Variants in LGSN observed in about 807,000 individuals in gnomAD.
LGSN encodes the protein lengsin.
In LGSN, 21 loss-of-function variants were observed where a neutral mutation model predicts 19.5. The observed-to-expected ratio is 1.07, with a 90% CI of 0.76 to 1.55. LGSN has a LOEUF of 1.55. LGSN is among the 40% of genes most tolerant of loss of function. LGSN has a pLI of 0.00. For missense variants in LGSN, 673 were observed against 608.5 expected (o/e 1.11, Z -1.12); for synonymous variants, 257 against 215.6 (o/e 1.19, Z -1.68).
Position 63,280,599 on chromosome 6 carries a change from G to A in LGSN, c.952C>T (p.Leu318Phe). The A allele has an allele frequency of 1.2e-6, 2 of 1,614,048 alleles. No individual in the cohort carries two copies. Among genetic ancestry groups the A allele is most frequent in the Non-Finnish European group, 1.7e-6 (2 of 1,180,028 alleles). The change falls in exon 4 of 4, where the codon CTC (leucine) becomes TTC (phenylalanine). Residue 318 changes from leucine to phenylalanine, a missense_variant. Leu to Phe is a conservative substitution (Grantham distance 22). Coordinates refer to ENST00000370657, the MANE Select transcript of LGSN (RefSeq NM_016571.3). The stretch of plus-strand genomic sequence containing the variant: ...TTTTTCTTCCTATCGACATCCCAGA[G>A]ACTATGAGACAAAATCCCTGAATCA... The part of the protein sequence containing the change: ...FCDSGILSHS[L>F]WDVDRKKNMF...
the LGSN span, among the ~76,000 whole-genome samples, chr6:63,361,066 A>G: frequency 2.0e-5 from 3 of 152,298 alleles, no homozygotes; most frequent in Admixed American, 2.0e-4. Context: ...GTCCTCCCCT[A>G]CTGGGGGGTG....
chr6:63,548,173 A>G, the LGSN span, among the ~76,000 whole-genome samples: 1 of 151,984 alleles, frequency 6.6e-6, no homozygotes, highest in Admixed American at 6.6e-5. Flanking sequence ...TTCCCTTAGC[A>G]CTTTTTATTT....
At chr6:63,495,237 A>G in the LGSN span, among the ~76,000 whole-genome samples, 11 of 152,254 alleles carry the variant, frequency 7.2e-5, no homozygotes, top group Admixed American at 7.2e-4. Flanking sequence ...CACATGAATT[A>G]TATCATTCAA....
the LGSN span, among the ~76,000 whole-genome samples, chr6:63,393,078 G>A: frequency 4.0e-5 from 6 of 151,012 alleles, no homozygotes; most frequent in Non-Finnish European, 5.9e-5. Context: ...TAGTAGAGAC[G>A]GGGTTTCACC....
At chr6:63,510,392 T>C in the LGSN span, among the ~76,000 whole-genome samples, 67 of 152,012 alleles carry the variant, frequency 4.4e-4, no homozygotes, top group South Asian at 1.0e-2. Flanking sequence ...AACATAAAAG[T>C]TAAACTAACC....
chr6:63,424,729 A>G, the LGSN span, among the ~76,000 whole-genome samples: 7 of 152,210 alleles, frequency 4.6e-5, no homozygotes, highest in Non-Finnish European at 1.0e-4. Flanking sequence ...CCTAGGCAAT[A>G]TAGTGAAACC....
the LGSN span, among the ~76,000 whole-genome samples, chr6:63,515,816 G>A: frequency 6.6e-6 from 1 of 152,044 alleles, no homozygotes; most frequent in Admixed American, 6.6e-5. Flanking sequence ...AGAAAGGAAA[G>A]GGAAAGGAAG....
the LGSN span, among the ~76,000 whole-genome samples, chr6:63,357,803 G>C: frequency 6.6e-6 from 1 of 152,168 alleles, no homozygotes; most frequent in African/African-American, 2.4e-5. Context: ...TCTGATGGTA[G>C]TTTCTTTTGC....
chr6:63,504,239 C>T, the LGSN span, among the ~76,000 whole-genome samples: 9 of 119,006 alleles, frequency 7.6e-5, no homozygotes, highest in Non-Finnish European at 1.5e-4. Context: ...CTGGTTCAAG[C>T]GATTCTTTTT....
At chr6:63,292,623 C>T (rs1324792140) in intron 2 of LGSN, among the ~76,000 whole-genome samples, 1 of 152,178 alleles carries the variant, frequency 6.6e-6, no homozygotes, top group Non-Finnish European at 1.5e-5. Flanking sequence ...ACTCTGGACA[C>T]CAAGACTCAA....
chr6:63,392,952 T>C, the LGSN span, among the ~76,000 whole-genome samples: 4 of 143,182 alleles, frequency 2.8e-5, no homozygotes, highest in Admixed American at 2.9e-4. Context: ...AGTGGCGCAA[T>C]CTCTGCTCAC....
chr6:63,404,795 T>C, the LGSN span, among the ~76,000 whole-genome samples: 33 of 151,274 alleles, frequency 2.2e-4, no homozygotes, highest in African/African-American at 8.1e-4. Context: ...AAAAAAAGTA[T>C]TTCTTTTTTT....
the LGSN span, among the ~76,000 whole-genome samples, chr6:63,391,829 A>G: frequency 4.6e-5 from 7 of 152,172 alleles, no homozygotes; most frequent in African/African-American, 1.4e-4. Flanking sequence ...TAAGGGCCCT[A>G]GGAGCAGAGA....
the LGSN span, among the ~76,000 whole-genome samples, chr6:63,328,173 C>T: frequency 1.3e-5 from 2 of 152,200 alleles, no homozygotes; most frequent in African/African-American, 4.8e-5. Context: ...ATGATTACAT[C>T]AATAACTATG....
At chr6:63,390,118 C>CTTTTTTTTTTTTTT in the LGSN span, among the ~76,000 whole-genome samples, 45 of 66,322 alleles carry the variant, frequency 6.8e-4, 2 homozygotes, top group South Asian at 1.1e-3. Context: ...TTCTTTCTTT[C>CTTTTTTTTTTTTTT]TTTTTTTTTT....
At chr6:63,539,604 C>T in the LGSN span, among the ~76,000 whole-genome samples, 1 of 152,018 alleles carries the variant, frequency 6.6e-6, no homozygotes, top group Non-Finnish European at 1.5e-5. Flanking sequence ...GGTGAAACCC[C>T]GTCTCTACTA....
At chr6:63,376,023 A>ACTGAATGATATCAAACCCAAGCC in the LGSN span, among the ~76,000 whole-genome samples, 15 of 152,150 alleles carry the variant, frequency 9.9e-5, no homozygotes, top group Non-Finnish European at 1.9e-4. Flanking sequence ...ATATAATAGT[A>ACTGAATGATATCAAACCCAAGCC]CTGAATGATA....
At chr6:63,451,546 A>G in the LGSN span, among the ~76,000 whole-genome samples, 6 of 152,166 alleles carry the variant, frequency 3.9e-5, no homozygotes, top group Non-Finnish European at 7.3e-5. Flanking sequence ...GAGTTAAATG[A>G]TGAGAACACA....
At chr6:63,365,744 T>C in the LGSN span, among the ~76,000 whole-genome samples, 2 of 151,946 alleles carry the variant, frequency 1.3e-5, no homozygotes, top group South Asian at 4.1e-4. Flanking sequence ...CCACCACAAT[T>C]AAGTTGGCTT....
Sources: allele counts gnomAD v4.1 joint callset (sites outside exome capture counted in the v4.1 genomes callset), GRCh38; gene constraint gnomAD v4.1.1; transcripts MANE v1.5; gene names NCBI Gene and HGNC (gene_info 2026-07-23, HGNC 2026-07-21).